ARMC9: variants seen among roughly 807,000 people sequenced by gnomAD.
ARMC9 encodes armadillo repeat containing 9.
Under a neutral mutation model 107.0 loss-of-function variants are expected in ARMC9, and 94 were observed. The ratio of observed to expected loss-of-function variants is 0.88; its 90% CI spans 0.74 to 1.04. ARMC9 has a LOEUF of 1.04. Among genes scored for constraint, ARMC9 ranks in the 50% least tolerant of loss-of-function variants. ARMC9 has a pLI of 0.00. For missense variants in ARMC9, 942 were observed against 1,030.1 expected (o/e 0.91, Z 1.17); for synonymous variants, 380 against 396.9 (o/e 0.96, Z 0.51).
At chr2:231,327,375 A>G (rs1311948822) in intron 19 of ARMC9, among the ~76,000 whole-genome samples, 2 of 152,146 alleles carry the variant, frequency 1.3e-5, no homozygotes, top group Non-Finnish European at 2.9e-5. Flanking sequence ...GCAACCACTA[A>G]TCTGTTCTCC....
intron 5 of ARMC9, among the ~76,000 whole-genome samples, chr2:231,219,920 T>C (rs1282618339): frequency 6.6e-6 from 1 of 152,170 alleles, no homozygotes; most frequent in African/African-American, 2.4e-5. Flanking sequence ...AGCCTTGACC[T>C]CCTGGGCTCA....
chr2:231,288,669 A>AGG, intron 17 of ARMC9: 1 of 471,230 alleles, frequency 2.1e-6, no homozygotes, highest in Non-Finnish European at 4.4e-6. Flanking sequence ...GGTCCCCTGA[A>AGG]GGAGTGACTG....
intron 2 of ARMC9, among the ~76,000 whole-genome samples, chr2:231,207,600 C>T (rs1396650814): frequency 1.3e-5 from 2 of 152,214 alleles, no homozygotes; most frequent in Non-Finnish European, 2.9e-5. Context: ...CTCAGCCTCC[C>T]GAGTAGCTGG....
intron 12 of ARMC9, among the ~76,000 whole-genome samples, chr2:231,270,060 A>C (rs922176686): frequency 2.0e-5 from 3 of 151,920 alleles, no homozygotes; most frequent in African/African-American, 7.3e-5. Flanking sequence ...GGAACCTCTG[A>C]TTTCACGGTC....
At chr2:231,200,968 A>G (rs547094626) in intron 1 of ARMC9, among the ~76,000 whole-genome samples, 3 of 152,294 alleles carry the variant, frequency 2.0e-5, no homozygotes, top group East Asian at 1.9e-4. Context: ...GGCAGAGCAT[A>G]CATCAACCAC....
intron 20 of ARMC9, among the ~76,000 whole-genome samples, chr2:231,342,874 A>C (rs2044599949): frequency 6.8e-6 from 1 of 148,006 alleles, no homozygotes; most frequent in African/African-American, 2.5e-5. Context: ...TTTCCCTTTC[A>C]CTCTTCTTTC....
chr2:231,280,385 G>A (rs1309312950), intron 16 of ARMC9, among the ~76,000 whole-genome samples: 2 of 152,194 alleles, frequency 1.3e-5, no homozygotes, highest in East Asian at 1.9e-4. Context: ...TTGAACCTGG[G>A]AGGTGGAGGT....
chr2:231,351,354 A>G (rs2045071640), intron 21 of ARMC9, among the ~76,000 whole-genome samples: 1 of 152,080 alleles, frequency 6.6e-6, no homozygotes, highest in East Asian at 1.9e-4. Context: ...TCAGCTTCGC[A>G]TTCCCCACCC....
At chr2:231,369,288 C>CT (rs563713963) in intron 23 of ARMC9, among the ~76,000 whole-genome samples, 54 of 144,006 alleles carry the variant, frequency 3.7e-4, no homozygotes, top group Non-Finnish European at 6.5e-4. Flanking sequence ...TCTTTTTTTT[C>CT]TTTTTTTTTA....
intron 7 of ARMC9, among the ~76,000 whole-genome samples, chr2:231,233,462 C>T (rs1326096277): frequency 6.6e-6 from 1 of 151,966 alleles, no homozygotes. Context: ...TAGGATGGAA[C>T]CTTTCTGCCA....
At chr2:231,327,774 T>C (rs971984179) in intron 19 of ARMC9, among the ~76,000 whole-genome samples, 2 of 152,200 alleles carry the variant, frequency 1.3e-5, no homozygotes, top group Non-Finnish European at 2.9e-5. Flanking sequence ...TGTTTAGCTT[T>C]TTTTGTTTTT....
intron 9 of ARMC9, among the ~76,000 whole-genome samples, chr2:231,247,177 G>A (rs59605446): frequency 1.2e-4 from 18 of 152,144 alleles, no homozygotes; most frequent in Non-Finnish European, 2.6e-4. Flanking sequence ...GGATGGTCTC[G>A]ATCTCTTGAC....
intron 19 of ARMC9, among the ~76,000 whole-genome samples, chr2:231,317,903 T>A (rs1418604310): frequency 6.6e-6 from 1 of 152,258 alleles, no homozygotes; most frequent in Admixed American, 6.5e-5. Context: ...GTATTTTTTT[T>A]AAAACTTCTG....
intron 11 of ARMC9, among the ~76,000 whole-genome samples, chr2:231,261,885 C>T (rs539127736): frequency 5.7e-4 from 86 of 151,840 alleles, no homozygotes; most frequent in African/African-American, 2.0e-3. Context: ...TGCAGTGGCG[C>T]GATCTCGGCT....
intron 1 of ARMC9, among the ~76,000 whole-genome samples, chr2:231,203,748 T>C (rs1175296840): frequency 6.6e-6 from 1 of 152,064 alleles, no homozygotes; most frequent in African/African-American, 2.4e-5. Context: ...TCACCTGAGG[T>C]CAGGAGTTCG....
intron 9 of ARMC9, among the ~76,000 whole-genome samples, chr2:231,249,369 A>G (rs2037078375): frequency 6.6e-6 from 1 of 152,026 alleles, no homozygotes; most frequent in South Asian, 2.1e-4. Context: ...TGCTGAGTCC[A>G]GTCAGTCTCC....
At chr2:231,202,374 G>A (rs550511526) in intron 1 of ARMC9, among the ~76,000 whole-genome samples, 116 of 147,056 alleles carry the variant, frequency 7.9e-4, no homozygotes, top group Middle Eastern at 3.5e-3. Context: ...CTAGGCTGGA[G>A]TGCCATGGCG....
At chr2:231,232,383 G>T (rs1468140072) in intron 7 of ARMC9, among the ~76,000 whole-genome samples, 3 of 151,770 alleles carry the variant, frequency 2.0e-5, no homozygotes, top group Non-Finnish European at 4.4e-5. Flanking sequence ...TGTTTAAGGA[G>T]AATCTTGATA....
At chr2:231,368,508 C>T (rs535408714) in intron 23 of ARMC9, among the ~76,000 whole-genome samples, 150 of 152,166 alleles carry the variant, frequency 9.9e-4, no homozygotes, top group Middle Eastern at 3.4e-3. Flanking sequence ...TGGGATGAGA[C>T]TCATAAAAGC....
Sources: gnomAD v4.1 joint callset for allele counts (sites outside exome capture counted in the v4.1 genomes callset) on GRCh38, gnomAD v4.1.1 for gene constraint, MANE v1.5 for transcripts, NCBI Gene and HGNC (gene_info 2026-07-23, HGNC 2026-07-21) for gene names.